LUZP2: variants seen among roughly 807,000 people sequenced by gnomAD.
LUZP2 encodes the protein leucine zipper protein 2.
In LUZP2, 52 loss-of-function variants were observed where a neutral mutation model predicts 51.6. The observed-to-expected ratio is 1.01, with a 90% CI of 0.81 to 1.27. LUZP2 has a LOEUF of 1.27. LUZP2 is among the 50% of genes most tolerant of loss of function. The pLI, the probability that LUZP2 is intolerant of heterozygous loss-of-function variation, is 0.00. For synonymous variants in LUZP2, 154 were observed against 137.3 expected, an observed-to-expected ratio of 1.12 and a Z score of -0.85; for missense variants, 436 against 395.4, an observed-to-expected ratio of 1.10 and a Z score of -0.87.
At chr11:25,033,819 C>T (rs1175222058) in intron 9 of LUZP2, among the ~76,000 whole-genome samples, 2 of 152,050 alleles carry the variant, frequency 1.3e-5, no homozygotes, top group African/African-American at 4.8e-5. Context: ...TTGATCCAAT[C>T]CACCATTGAA....
chr11:24,499,998 A>T (rs1326985498), intron 1 of LUZP2, among the ~76,000 whole-genome samples: 1 of 152,190 alleles, frequency 6.6e-6, no homozygotes, highest in Admixed American at 6.5e-5. Flanking sequence ...TTGAATAGAA[A>T]ACAATCCTGC....
At chr11:24,833,728 A>ACACACACT (rs1554918546) in intron 5 of LUZP2, among the ~76,000 whole-genome samples, 17,347 of 151,270 alleles carry the variant, frequency 0.11, 1,083 homozygotes, top group South Asian at 0.19. Context: ...ACACACACAC[A>ACACACACT]CACTTGATTC....
At chr11:24,887,288 T>C (rs1159599664) in intron 5 of LUZP2, among the ~76,000 whole-genome samples, 1 of 152,210 alleles carries the variant, frequency 6.6e-6, no homozygotes, top group Non-Finnish European at 1.5e-5. Flanking sequence ...TCTACTTACA[T>C]ATCCTTGGCA....
At chr11:24,838,596 A>G (rs1023014261) in intron 5 of LUZP2, among the ~76,000 whole-genome samples, 6 of 151,854 alleles carry the variant, frequency 4.0e-5, no homozygotes, top group East Asian at 1.9e-4. Context: ...AGCTAAGAGC[A>G]TTTAAGTTCA....
Position 24,990,215 on chromosome 11 carries a change from A to C in LUZP2, c.765+6922A>C, listed in dbSNP as rs562048297. Among the ~76,000 whole-genome samples the C allele has an allele frequency of 2.4e-4, 37 of 152,188 alleles. No individual in the cohort carries two copies. The South Asian group carries it at 6.8e-3, about 28-fold the overall frequency. On this transcript the variant is annotated intron_variant, in intron 9 of 11. Transcript: ENST00000336930. ...GTAGTTCAGGTTGCTTATATCTAGC[A>C]TGACTCAAAAGACTATTGAATGGGT...
At chr11:25,014,406 C>A (rs1327025360) in intron 9 of LUZP2, among the ~76,000 whole-genome samples, 5 of 152,204 alleles carry the variant, frequency 3.3e-5, no homozygotes, top group Admixed American at 3.3e-4. Flanking sequence ...TCCTCTCCAG[C>A]ACCTGTTGTT....
intron 9 of LUZP2, among the ~76,000 whole-genome samples, chr11:24,983,770 A>G (rs769794856): frequency 1.3e-5 from 2 of 151,078 alleles, no homozygotes; most frequent in African/African-American, 2.4e-5. Flanking sequence ...TACATTAAAA[A>G]AAAGCCTTAC....
At chr11:24,875,965 G>A (rs1325279830) in intron 5 of LUZP2, among the ~76,000 whole-genome samples, 1 of 151,452 alleles carries the variant, frequency 6.6e-6, no homozygotes, top group African/African-American at 2.4e-5. Flanking sequence ...TTTTTTTCTT[G>A]TAAATTTGTT....
chr11:24,972,138 C>CAAAAA (rs1565176253), intron 7 of LUZP2, among the ~76,000 whole-genome samples: 1 of 3,744 alleles, frequency 2.7e-4, no homozygotes, highest in Non-Finnish European at 5.6e-3. Context: ...AGTGAGACTC[C>CAAAAA]GAAAAAAAAA....
At chr11:25,008,152 G>A (rs769947619) in intron 9 of LUZP2, among the ~76,000 whole-genome samples, 25 of 152,116 alleles carry the variant, frequency 1.6e-4, no homozygotes, top group African/African-American at 3.9e-4. Context: ...CTGCCCACTC[G>A]GCCTATTGGG....
chr11:24,732,114 T>C lies in LUZP2; in HGVS notation c.181-4T>C, dbSNP rs756801115. Reference sequence around the variant, plus strand: ...AAACTTCATTTTTCCACTTTTCTTATCAGTCCTTAAAAAACGATGAGCAGT... The same window carrying C: ...AAACTTCATTTTTCCACTTTTCTTACCAGTCCTTAAAAAACGATGAGCAGT... On this transcript the variant is annotated splice_region_variant and splice_polypyrimidine_tract_variant and intron_variant, in intron 2 of 11. Coordinates refer to ENST00000336930, the MANE Select transcript of LUZP2 (RefSeq NM_001009909.4). 5.0e-6 allele frequency: 8 copies of C among 1,604,282 alleles called. No individual in the cohort carries two copies. In the South Asian group the frequency reaches 5.6e-5, roughly 11 times the overall value.
At chr11:24,911,432 T>G (rs1244462289) in intron 6 of LUZP2, among the ~76,000 whole-genome samples, 1 of 152,172 alleles carries the variant, frequency 6.6e-6, no homozygotes, top group Non-Finnish European at 1.5e-5. Flanking sequence ...AGGGTCCTGG[T>G]GGGAGGTAAT....
chr11:24,953,277 C>A (rs1414210184), intron 7 of LUZP2, among the ~76,000 whole-genome samples: 2 of 151,852 alleles, frequency 1.3e-5, no homozygotes, highest in Non-Finnish European at 2.9e-5. Context: ...TTGGCTTAAT[C>A]TAGCCTTCAA....
chr11:25,047,895 T>A (rs982856648), intron 9 of LUZP2, among the ~76,000 whole-genome samples: 4 of 152,186 alleles, frequency 2.6e-5, no homozygotes, highest in African/African-American at 9.6e-5. Context: ...CACAGCTCAC[T>A]GCAGCCTAGA....
At position 24,611,866 on chromosome 11, in the gene LUZP2, G is replaced by A. The variant is rs1854135810; in HGVS notation, c.62+114561G>A. Among the ~76,000 whole-genome samples, 1 of 152,034 alleles carries A rather than the reference G, an allele frequency of 6.6e-6. No individual in the cohort carries two copies. The highest frequency in any genetic ancestry group is 2.4e-5 in the African/African-American group (1 of 41,404). ...AGCATGACATATCTAGGAACTGGTT[G>A]GAATATTAAAATAATCACAGGAGAT... On this transcript the variant is annotated intron_variant, in intron 1 of 11. Transcript: ENST00000336930. The surrounding 1 kb of genome is among the most constrained non-coding windows in gnomAD (Gnocchi z 4.6).
chr11:24,999,785 C>A (rs1420345822), intron 9 of LUZP2, among the ~76,000 whole-genome samples: 1 of 152,156 alleles, frequency 6.6e-6, no homozygotes. Flanking sequence ...GGAATTGGTT[C>A]CTTCTGGTGG....
At chr11:24,831,571 A>G (rs1028718344) in intron 5 of LUZP2, among the ~76,000 whole-genome samples, 2 of 152,208 alleles carry the variant, frequency 1.3e-5, no homozygotes, top group Non-Finnish European at 2.9e-5. Flanking sequence ...CTATTCCAGA[A>G]ACTTACAAAG....
chr11:24,702,572 G>A (rs905803058), intron 1 of LUZP2, among the ~76,000 whole-genome samples: 1 of 152,090 alleles, frequency 6.6e-6, no homozygotes, highest in Non-Finnish European at 1.5e-5. Flanking sequence ...GAGACAGAAG[G>A]GGGAGGCCCC....
At chr11:24,759,558 T>C (rs1044402816) in intron 4 of LUZP2, among the ~76,000 whole-genome samples, 1 of 152,174 alleles carries the variant, frequency 6.6e-6, no homozygotes, top group Non-Finnish European at 1.5e-5. Context: ...AGTTAATTGT[T>C]AAGTATGAAC....
Sources: gnomAD v4.1 joint callset for allele counts (sites outside exome capture counted in the v4.1 genomes callset) on GRCh38, gnomAD v4.1.1 for gene constraint, Gnocchi (gnomAD v3.1) non-coding constraint, MANE v1.5 for transcripts, NCBI Gene and HGNC (gene_info 2026-07-23, HGNC 2026-07-21) for gene names.